The following SYN3 variants were observed in gnomAD, a reference collection of about 807,000 sequenced individuals.
SYN3 encodes the protein synapsin III.
SYN3 carries 35 observed loss-of-function variants against 65.8 expected under a neutral mutation model. The ratio of observed to expected loss-of-function variants is 0.53; its 90% CI spans 0.41 to 0.70. The LOEUF (loss-of-function observed/expected upper bound fraction) is 0.70, where lower values mean the gene tolerates loss of function less well. Ranked by LOEUF, SYN3 falls within the 30% of genes least tolerant of loss-of-function variation. SYN3 has a pLI of 0.00. For missense variants in SYN3, 680 were observed against 749.0 expected (o/e 0.91, Z 1.08); for synonymous variants, 270 against 292.9 (o/e 0.92, Z 0.80).
At chr22:32,576,256 T>G (rs1360139013) in intron 7 of SYN3, among the ~76,000 whole-genome samples, 1 of 152,106 alleles carries the variant, frequency 6.6e-6, no homozygotes, top group African/African-American at 2.4e-5. Context: ...AGTATGGCCA[T>G]TCTCTGAGCA....
chr22:32,785,317 G>A (rs754826053), intron 6 of SYN3, among the ~76,000 whole-genome samples: 4 of 152,066 alleles, frequency 2.6e-5, no homozygotes, highest in African/African-American at 7.2e-5. Flanking sequence ...TTTTCCTTGT[G>A]AGTACTAGGA....
At chr22:32,786,069 A>G (rs1322665059) in intron 6 of SYN3, among the ~76,000 whole-genome samples, 1 of 152,198 alleles carries the variant, frequency 6.6e-6, no homozygotes, top group Non-Finnish European at 1.5e-5. Flanking sequence ...TACTTACTGC[A>G]CACTTTCCAC....
At chr22:32,896,327 T>C (rs1023925361) in intron 4 of SYN3, among the ~76,000 whole-genome samples, 7 of 152,054 alleles carry the variant, frequency 4.6e-5, no homozygotes, top group African/African-American at 1.7e-4. Context: ...CATGGTGGCA[T>C]GCGCTGTAGT....
At chr22:32,558,874 C>T (rs1031698853) in intron 7 of SYN3, among the ~76,000 whole-genome samples, 17 of 152,218 alleles carry the variant, frequency 1.1e-4, no homozygotes, top group Middle Eastern at 3.2e-3. Context: ...CTGAGTCACC[C>T]GCCCCACCTC....
chr22:32,581,772 TTTC>T (rs1468876965), intron 7 of SYN3, among the ~76,000 whole-genome samples: 36 of 102,642 alleles, frequency 3.5e-4, no homozygotes, highest in African/African-American at 9.5e-4. Flanking sequence ...TTCTTTTTCT[TTTC>T]TTTTCTTTCT....
chr22:32,524,488 T>C (rs1028692276), intron 12 of SYN3, among the ~76,000 whole-genome samples: 14 of 152,194 alleles, frequency 9.2e-5, no homozygotes, highest in African/African-American at 3.1e-4. Flanking sequence ...GATAACAGCA[T>C]AGTATTTCCA....
chr22:32,885,798 T>C (rs897689137), intron 4 of SYN3, among the ~76,000 whole-genome samples: 1 of 152,080 alleles, frequency 6.6e-6, no homozygotes, highest in Non-Finnish European at 1.5e-5. Context: ...TGACTTAAGG[T>C]GATCCGCCCA....
chr22:32,847,104 C>A (rs2048087095), intron 6 of SYN3, among the ~76,000 whole-genome samples: 3 of 152,156 alleles, frequency 2.0e-5, no homozygotes, highest in Admixed American at 2.0e-4. Context: ...AAGACTCGCT[C>A]CCTTGTTTAC....
chr22:32,967,437 C>T (rs916713994), intron 3 of SYN3, among the ~76,000 whole-genome samples: 7 of 152,320 alleles, frequency 4.6e-5, no homozygotes, highest in African/African-American at 1.2e-4. Context: ...CTAGAAAATG[C>T]GCCCAGACTG....
At chr22:32,982,680 C>T (rs187865369) in intron 2 of SYN3, among the ~76,000 whole-genome samples, 1 of 152,296 alleles carries the variant, frequency 6.6e-6, no homozygotes, top group African/African-American at 2.4e-5. Flanking sequence ...TTGTATTCAT[C>T]ACTTTCTTCC....
intron 3 of SYN3, among the ~76,000 whole-genome samples, chr22:32,955,060 C>T (rs939289085): frequency 2.0e-5 from 3 of 151,778 alleles, no homozygotes; most frequent in Non-Finnish European, 2.9e-5. Flanking sequence ...CAGACCTCGC[C>T]TTCTTGTTCT....
intron 6 of SYN3, among the ~76,000 whole-genome samples, chr22:32,598,310 C>G (rs2059232554): frequency 3.3e-5 from 5 of 152,170 alleles, no homozygotes; most frequent in African/African-American, 1.2e-4. Context: ...CCACACTGGC[C>G]TTAGAAGGCA....
intron 6 of SYN3, among the ~76,000 whole-genome samples, chr22:32,734,373 T>A (rs1324322521): frequency 6.6e-6 from 1 of 152,148 alleles, no homozygotes; most frequent in Non-Finnish European, 1.5e-5. Context: ...GCAGCTGCTG[T>A]TTTGTACACA....
intron 1 of SYN3, among the ~76,000 whole-genome samples, chr22:33,028,423 A>G (rs942928264): frequency 1.3e-5 from 2 of 152,214 alleles, no homozygotes; most frequent in Non-Finnish European, 2.9e-5. Context: ...ACTTAGGGGA[A>G]GGCTGAGGAT....
At chr22:32,854,022 A>C (rs1232326356) in intron 6 of SYN3, among the ~76,000 whole-genome samples, 1 of 152,186 alleles carries the variant, frequency 6.6e-6, no homozygotes, top group Non-Finnish European at 1.5e-5. Flanking sequence ...CAACTCTGAG[A>C]TTCTAGGATT....
At chr22:32,860,339 T>C (rs1203915303) in intron 6 of SYN3, 3 of 152,646 alleles carry the variant, frequency 2.0e-5, no homozygotes, top group East Asian at 3.8e-4. Context: ...GGATACTATT[T>C]CCAGAATAGT....
At chr22:32,602,234 C>A (rs746452408) in intron 6 of SYN3, among the ~76,000 whole-genome samples, 1 of 152,164 alleles carries the variant, frequency 6.6e-6, no homozygotes, top group Non-Finnish European at 1.5e-5. Context: ...TCCCCTTCTC[C>A]AGACCAGGTA....
intron 6 of SYN3, among the ~76,000 whole-genome samples, chr22:32,661,620 G>C (rs904791069): frequency 6.6e-6 from 1 of 152,124 alleles, no homozygotes; most frequent in Non-Finnish European, 1.5e-5. Flanking sequence ...AGCTGCCCTA[G>C]AGCACTGTGG....
At chr22:32,947,992 C>T (rs573232956) in intron 3 of SYN3, among the ~76,000 whole-genome samples, 1 of 152,258 alleles carries the variant, frequency 6.6e-6, no homozygotes, top group South Asian at 2.1e-4. Flanking sequence ...GAACTGAGGT[C>T]CTCGTTTCCT....
Sources: gnomAD v4.1 joint callset for allele counts (sites outside exome capture counted in the v4.1 genomes callset) on GRCh38, gnomAD v4.1.1 for gene constraint, MANE v1.5 for transcripts, NCBI Gene and HGNC (gene_info 2026-07-23, HGNC 2026-07-21) for gene names.